The following EIF3H variants were observed in gnomAD, a reference collection of about 807,000 sequenced individuals.
EIF3H encodes the protein eukaryotic translation initiation factor 3 subunit H.
Under a neutral mutation model 44.2 loss-of-function variants are expected in EIF3H, and 26 were observed. The observed-to-expected ratio is 0.59, with a 90% CI of 0.43 to 0.82. The LOEUF (loss-of-function observed/expected upper bound fraction) is 0.82, where lower values mean the gene tolerates loss of function less well. EIF3H is among the 40% of genes least tolerant of loss of function. The pLI is 0.00. For synonymous variants in EIF3H, 166 were observed against 151.9 expected (o/e 1.09, Z -0.68); for missense variants, 359 against 432.8 (o/e 0.83, Z 1.51).
chr8:116,656,091 GC>G lies in EIF3H; in HGVS notation c.558-87del, dbSNP rs1346589962. 4 of 1,271,282 alleles carry G rather than the reference GC, an allele frequency of 3.1e-6. No homozygotes were observed. The African/African-American group carries it at 6.1e-5, about 20-fold the overall frequency. The allele number at this position is 1,271,282 out of a possible 1,614,324, so 78.8% of individuals were successfully genotyped here. A position where few individuals can be genotyped will look rare whatever the true frequency, so the allele number is the denominator to read the frequency against. On this transcript the variant is annotated intron_variant, in intron 4 of 7. Transcript: ENST00000521861. Reference sequence around the variant, plus strand: ...CTTCATAAAATTTACCTAATTACAGGCCCTATCCAAGATCTTTGTTTCATTA... The same window carrying G: ...CTTCATAAAATTTACCTAATTACAGGCCTATCCAAGATCTTTGTTTCATTA...
chr8:116,728,306 A>T (rs2130931018), intron 1 of EIF3H, among the ~76,000 whole-genome samples: 1 of 152,236 alleles, frequency 6.6e-6, no homozygotes, highest in East Asian at 1.9e-4. Flanking sequence ...CATTTTATAG[A>T]TAAGAAAACT....
chr8:116,760,547 C>A (rs749158047), upstream of EIF3H, among the ~76,000 whole-genome samples: 7 of 152,132 alleles, frequency 4.6e-5, no homozygotes, highest in Non-Finnish European at 8.8e-5. Context: ...TGACATTGGA[C>A]TTTTCATCCC....
intron 1 of EIF3H, among the ~76,000 whole-genome samples, chr8:116,753,372 T>C (rs1409700845): frequency 6.6e-6 from 1 of 152,212 alleles, no homozygotes; most frequent in African/African-American, 2.4e-5. Context: ...TTATTATGAT[T>C]GATTTTGGAG....
chr8:116,762,803 G>C (rs1815531659), intron 1 of EIF3H, among the ~76,000 whole-genome samples: 1 of 152,232 alleles, frequency 6.6e-6, no homozygotes, highest in Admixed American at 6.5e-5. Flanking sequence ...AATTAGCCGG[G>C]CATGGTGGCC....
intron 2 of EIF3H, among the ~76,000 whole-genome samples, chr8:116,708,144 A>G (rs753830463): frequency 6.6e-6 from 1 of 152,134 alleles, no homozygotes; most frequent in Non-Finnish European, 1.5e-5. Context: ...AGACGGTAAC[A>G]TTCTTAGGTG....
intron 2 of EIF3H, among the ~76,000 whole-genome samples, chr8:116,679,090 G>C (rs112759459): frequency 0.19 from 10,117 of 52,996 alleles, 3,332 homozygotes; most frequent in East Asian, 0.44. Context: ...CCCTCTGCCC[G>C]GCCAGCCTCC....
chr8:116,691,297 C>T (rs964754816), intron 2 of EIF3H, among the ~76,000 whole-genome samples: 1 of 152,166 alleles, frequency 6.6e-6, no homozygotes, highest in Admixed American at 6.5e-5. Flanking sequence ...AGTTCAAGAC[C>T]AAATGCCACC....
chr8:116,714,697 T>A (rs1481077508), intron 2 of EIF3H, among the ~76,000 whole-genome samples: 1 of 152,004 alleles, frequency 6.6e-6, no homozygotes, highest in Non-Finnish European at 1.5e-5. Context: ...CAAAAATATA[T>A]CATTTTTAAA....
intron 5 of EIF3H, among the ~76,000 whole-genome samples, chr8:116,653,251 T>C (rs146657895): frequency 1.3e-5 from 2 of 152,136 alleles, no homozygotes; most frequent in East Asian, 3.9e-4. Context: ...TATGAAGTTA[T>C]TGTGAAAGAA....
At chr8:116,693,065 C>T (rs1353212723) in intron 2 of EIF3H, among the ~76,000 whole-genome samples, 1 of 152,078 alleles carries the variant, frequency 6.6e-6, no homozygotes, top group East Asian at 1.9e-4. Flanking sequence ...AAGTTCATAT[C>T]CTGAAAAGCA....
rs200457352 is a variant in EIF3H at position 116,694,404 on chromosome 8, G to C, written c.289+31612C>G. Among the ~76,000 whole-genome samples the C allele has an allele frequency of 1.2e-4, 19 of 152,242 alleles. 1 individual carries two copies. The highest frequency in any genetic ancestry group is 6.8e-3 in the Middle Eastern group (2 of 294). On this transcript the variant is annotated intron_variant, in intron 2 of 7. Transcript: ENST00000521861. ...GTAAGTGCCATTTGTATCTTTTCTT[G>C]TGAACTGTCTAAACCATCTTTGGCC... is the stretch of plus-strand genomic sequence containing the variant.
intron 2 of EIF3H, among the ~76,000 whole-genome samples, chr8:116,693,796 G>A (rs922959172): frequency 7.9e-5 from 12 of 151,972 alleles, no homozygotes; most frequent in Non-Finnish European, 1.5e-4. Flanking sequence ...TCCCGCCTCA[G>A]CCTCCCAAAG....
rs1008374756 is a variant in EIF3H at position 116,642,656 on chromosome 8, G to T, written c.*2350C>A. ...GGTAAGTGAATGATTTATTAGACCT[G>T]GTGCTCAATTTACGAGCTTTTCTCA... On this transcript the variant is annotated 3_prime_UTR_variant, in exon 8 of 8. Coordinates refer to ENST00000521861, the MANE Select transcript of EIF3H (RefSeq NM_003756.3). 1 of 152,024 alleles carries T rather than the reference G, an allele frequency of 6.6e-6. No individual in the cohort carries two copies. The allele number at this position is 152,024 out of a possible 1,614,324, so 9.4% of individuals were successfully genotyped here.
At chr8:116,702,248 T>C (rs1814390914) in intron 2 of EIF3H, among the ~76,000 whole-genome samples, 1 of 152,216 alleles carries the variant, frequency 6.6e-6, no homozygotes, top group South Asian at 2.1e-4. Flanking sequence ...AGTTAACAAA[T>C]GGTTCATTCA....
At chr8:116,743,798 A>ATATATATATATATATATAT (rs1491232249) in intron 1 of EIF3H, among the ~76,000 whole-genome samples, 7 of 79,680 alleles carry the variant, frequency 8.8e-5, no homozygotes, top group South Asian at 3.9e-4. Flanking sequence ...ATATATATAT[A>ATATATATATATATATATAT]AACACACACA....
At chr8:116,657,728 G>GCC (rs1367675202) in intron 3 of EIF3H, 3 of 164,734 alleles carry the variant, frequency 1.8e-5, no homozygotes, top group Non-Finnish European at 3.9e-5. Flanking sequence ...AAAATGAATA[G>GCC]CCCCGCACAC....
chr8:116,722,478 C>T (rs1482899676), intron 2 of EIF3H, among the ~76,000 whole-genome samples: 1 of 152,148 alleles, frequency 6.6e-6, no homozygotes, highest in Admixed American at 6.5e-5. Flanking sequence ...CTTCTGTGTC[C>T]CCTCTATACC....
rs192029718 is a variant in EIF3H, at chr8:116,677,028, T to C, written c.290-18048A>G. ...AAAAGAAATAACATACACAAATTTA[T>C]CCAGCATAATTAAGAATATCAAGGA... On this transcript the variant is annotated intron_variant, in intron 2 of 7. Coordinates refer to ENST00000521861, the MANE Select transcript of EIF3H (RefSeq NM_003756.3). 4.1e-3 allele frequency among the ~76,000 whole-genome samples: 617 copies of C among 152,268 alleles called. 4 individuals carry two copies. The highest frequency in any genetic ancestry group is 0.015 in the African/African-American group (605 of 41,554).
At chr8:116,749,007 A>T (rs1815285210) in intron 1 of EIF3H, among the ~76,000 whole-genome samples, 1 of 152,164 alleles carries the variant, frequency 6.6e-6, no homozygotes, top group African/African-American at 2.4e-5. Context: ...AAAGATATAG[A>T]GAGCTGACTG....
Sources: gnomAD v4.1 joint callset for allele counts (sites outside exome capture counted in the v4.1 genomes callset) on GRCh38, gnomAD v4.1.1 for gene constraint, MANE v1.5 for transcripts, NCBI Gene and HGNC (gene_info 2026-07-23, HGNC 2026-07-21) for gene names.